The following PRKCH variants were observed in gnomAD, a reference collection of about 807,000 sequenced individuals.
PRKCH encodes the protein protein kinase C eta type.
PRKCH carries 28 observed loss-of-function variants against 82.5 expected under a neutral mutation model. The observed-to-expected ratio is 0.34, with a 90% CI of 0.25 to 0.47. The LOEUF is 0.47. Ranked by LOEUF, PRKCH falls within the 20% of genes least tolerant of loss-of-function variation. PRKCH has a pLI of 1.00. For synonymous variants in PRKCH, 322 were observed against 327.4 expected, an observed-to-expected ratio of 0.98 and a Z score of 0.18; for missense variants, 705 against 881.8, an observed-to-expected ratio of 0.80 and a Z score of 2.54.
At chr14:61,413,568 A>G (rs1398692765) in intron 2 of PRKCH, among the ~76,000 whole-genome samples, 2 of 151,986 alleles carry the variant, frequency 1.3e-5, no homozygotes, top group African/African-American at 4.8e-5. Context: ...GTTCCAGAGG[A>G]TAGTTGTCAT....
At chr14:61,281,110 G>C in intron 1 of PRKCH, 1 of 1,445,420 alleles carries the variant, frequency 6.9e-7, no homozygotes, top group Non-Finnish European at 9.1e-7. Flanking sequence ...GGTGTTGTCG[G>C]GCTGGTGGGC....
chr14:61,540,515 G>T (rs1422921760), intron 12 of PRKCH, among the ~76,000 whole-genome samples: 1 of 152,094 alleles, frequency 6.6e-6, no homozygotes, highest in Non-Finnish European at 1.5e-5. Context: ...GTTACAGATG[G>T]GTCTGTTTCT....
At chr14:61,273,062 A>G (rs114104187) in intron 1 of PRKCH, among the ~76,000 whole-genome samples, 2,561 of 152,288 alleles carry the variant, frequency 0.017, 74 homozygotes, top group African/African-American at 0.057. Flanking sequence ...CTTATCATGC[A>G]TTATTCTTTT....
intron 1 of PRKCH, among the ~76,000 whole-genome samples, chr14:61,269,536 C>T (rs1256483327): frequency 1.3e-5 from 2 of 152,144 alleles, no homozygotes; most frequent in African/African-American, 4.8e-5. Context: ...CTCTCATGGG[C>T]CCCAGGGTGC....
intron 10 of PRKCH, among the ~76,000 whole-genome samples, chr14:61,517,955 GC>G: frequency 6.6e-6 from 1 of 152,314 alleles, no homozygotes; most frequent in East Asian, 1.9e-4. Flanking sequence ...TGAGTGACTG[GC>G]TATCAGAAAA....
intron 10 of PRKCH, among the ~76,000 whole-genome samples, chr14:61,490,842 C>G (rs373210710): frequency 6.6e-6 from 1 of 152,026 alleles, no homozygotes; most frequent in Non-Finnish European, 1.5e-5. Context: ...CACTTGAGCA[C>G]GGGAGGTGTA....
At chr14:61,324,498 A>G (rs531844312) in intron 1 of PRKCH, among the ~76,000 whole-genome samples, 1 of 152,204 alleles carries the variant, frequency 6.6e-6, no homozygotes, top group Middle Eastern at 3.4e-3. Context: ...TCAGAACTGT[A>G]AGGATATGGA....
At chr14:61,239,803 A>AT in intron 1 of PRKCH, among the ~76,000 whole-genome samples, 1 of 151,958 alleles carries the variant, frequency 6.6e-6, no homozygotes, top group Non-Finnish European at 1.5e-5. Context: ...TCCTGGCATA[A>AT]TTTTTTCTGG....
chr14:61,483,473 A>C (rs1357562112), intron 9 of PRKCH, among the ~76,000 whole-genome samples: 1 of 152,178 alleles, frequency 6.6e-6, no homozygotes, highest in Non-Finnish European at 1.5e-5. Context: ...TGTTTTGTGA[A>C]TCTTGCCATT....
intron 1 of PRKCH, among the ~76,000 whole-genome samples, chr14:61,359,862 A>G (rs1337341678): frequency 6.6e-6 from 1 of 152,244 alleles, no homozygotes; most frequent in Non-Finnish European, 1.5e-5. Context: ...GCTACCTACC[A>G]TATATAGAAC....
At chr14:61,265,358 G>T (rs2140082538) in intron 1 of PRKCH, among the ~76,000 whole-genome samples, 1 of 152,284 alleles carries the variant, frequency 6.6e-6, no homozygotes, top group African/African-American at 2.4e-5. Context: ...GTGAGCAGCT[G>T]TAGTCCCAGT....
intron 12 of PRKCH, among the ~76,000 whole-genome samples, chr14:61,532,593 C>T (rs1055020173): frequency 6.6e-6 from 1 of 152,194 alleles, no homozygotes; most frequent in African/African-American, 2.4e-5. Context: ...TCCCCTTAGC[C>T]TAGAACCTAG....
chr14:61,374,378 G>T (rs1228926825), intron 1 of PRKCH, among the ~76,000 whole-genome samples: 1 of 152,132 alleles, frequency 6.6e-6, no homozygotes, highest in Non-Finnish European at 1.5e-5. Context: ...TCTTCCCACA[G>T]CTCCACTAGG....
intron 1 of PRKCH, among the ~76,000 whole-genome samples, chr14:61,283,270 A>G (rs937740030): frequency 3.9e-5 from 6 of 152,296 alleles, no homozygotes; most frequent in Middle Eastern, 3.4e-3. Context: ...CTTTTCTCCT[A>G]TTCCTGGATG....
intron 1 of PRKCH, among the ~76,000 whole-genome samples, chr14:61,347,121 A>G (rs1168275018): frequency 6.6e-6 from 1 of 152,214 alleles, no homozygotes; most frequent in African/African-American, 2.4e-5. Flanking sequence ...GAAATCCAGA[A>G]TAGATATTCC....
At chr14:61,352,365 A>G (rs1210882520) in intron 1 of PRKCH, among the ~76,000 whole-genome samples, 1 of 151,916 alleles carries the variant, frequency 6.6e-6, no homozygotes, top group African/African-American at 2.4e-5. Context: ...TGATGCAGAA[A>G]GATGTCCCAG....
At position 61,485,777 on chromosome 14, in the gene PRKCH, G is replaced by A. The variant is rs79996256; in HGVS notation, c.1433+121G>A. The A allele has an allele frequency of 1.4e-3, 1,950 of 1,359,528 alleles. 28 individuals carry two copies. In the African/African-American group the frequency reaches 0.024, roughly 17 times the overall value. The allele number at this position is 1,359,528 out of a possible 1,614,324, so 84.2% of individuals were successfully genotyped here. On this transcript the variant is annotated intron_variant, in intron 10 of 13. Transcript: ENST00000332981. ...CTTTTTTGGAATTAAATTCACAGAAGTTTTGTTTTGGTTTTTGTTTTTGAG... is the reference window on the plus strand; with the variant it reads ...CTTTTTTGGAATTAAATTCACAGAAATTTTGTTTTGGTTTTTGTTTTTGAG...
At chr14:61,354,333 G>T (rs571601321) in intron 1 of PRKCH, among the ~76,000 whole-genome samples, 1 of 151,346 alleles carries the variant, frequency 6.6e-6, no homozygotes, top group African/African-American at 2.4e-5. Flanking sequence ...TTCCCATGTT[G>T]CTTATAATAG....
chr14:61,387,514 C>A (rs187273978), intron 1 of PRKCH, among the ~76,000 whole-genome samples: 1 of 152,120 alleles, frequency 6.6e-6, no homozygotes, highest in African/African-American at 2.4e-5. Flanking sequence ...GGTCTTGCTG[C>A]GTTTGTATTC....
Sources: allele counts gnomAD v4.1 joint callset (sites outside exome capture counted in the v4.1 genomes callset), GRCh38; gene constraint gnomAD v4.1.1; transcripts MANE v1.5; gene names NCBI Gene and HGNC (gene_info 2026-07-23, HGNC 2026-07-21).